TCERG1L: variants seen among roughly 807,000 people sequenced by gnomAD.
TCERG1L encodes transcription elongation regulator 1 like, also known as transcription elongation regulator 1-like protein.
TCERG1L carries 37 observed loss-of-function variants against 56.3 expected under a neutral mutation model. That is an observed-to-expected ratio of 0.66 (90% CI 0.51 to 0.87). The LOEUF is 0.87. Ranked by LOEUF, TCERG1L falls within the 40% of genes least tolerant of loss-of-function variation. The pLI, the probability that TCERG1L is intolerant of heterozygous loss-of-function variation, is 0.00. For synonymous variants in TCERG1L, 324 were observed against 326.3 expected, an observed-to-expected ratio of 0.99 and a Z score of 0.08; for missense variants, 799 against 774.2, an observed-to-expected ratio of 1.03 and a Z score of -0.38.
intron 4 of TCERG1L, among the ~76,000 whole-genome samples, chr10:131,230,985 G>GT (rs941614277): frequency 2.2e-5 from 3 of 135,774 alleles, no homozygotes; most frequent in African/African-American, 1.1e-4. Context: ...ACCCTTCATT[G>GT]TTTAGGGTAC....
intron 4 of TCERG1L, among the ~76,000 whole-genome samples, chr10:131,253,162 C>T (rs910470460): frequency 6.6e-6 from 1 of 152,164 alleles, no homozygotes; most frequent in Non-Finnish European, 1.5e-5. Context: ...CTCTTCAGCA[C>T]CAGGAGCCCG....
At chr10:131,198,232 C>T in intron 4 of TCERG1L, among the ~76,000 whole-genome samples, 1 of 152,206 alleles carries the variant, frequency 6.6e-6, no homozygotes, top group East Asian at 1.9e-4. Context: ...GTGGCATCAT[C>T]AAGTCTATTC....
At position 131,267,034 on chromosome 10, in the gene TCERG1L, T is replaced by C. The variant is rs1191126042; in HGVS notation, c.671-6590A>G. Among the ~76,000 whole-genome samples the C allele has an allele frequency of 1.3e-5, 2 of 151,988 alleles. No individual in the cohort carries two copies. Reference sequence around the variant, plus strand: ...CAACCGGCCCCCAGCCTTCAGGTCCTCCCTGGCCTGAAGGTGCATCCTCAT... The same window carrying C: ...CAACCGGCCCCCAGCCTTCAGGTCCCCCCTGGCCTGAAGGTGCATCCTCAT... On this transcript the variant is annotated intron_variant, in intron 3 of 11. Transcript: ENST00000368642. The surrounding 1 kb of genome is among the most constrained non-coding windows in gnomAD (Gnocchi z 4.9).
At chr10:131,215,333 G>C (rs1238701468) in intron 4 of TCERG1L, among the ~76,000 whole-genome samples, 1 of 152,150 alleles carries the variant, frequency 6.6e-6, no homozygotes, top group African/African-American at 2.4e-5. Context: ...ATTCTAAATG[G>C]GGAACTAGCC....
At chr10:131,204,026 G>T (rs182981872) in intron 4 of TCERG1L, among the ~76,000 whole-genome samples, 1 of 152,350 alleles carries the variant, frequency 6.6e-6, no homozygotes, top group East Asian at 1.9e-4. Flanking sequence ...GAAGTGATGA[G>T]AGCAGAGCCC....
chr10:131,257,236 C>A (rs1846182672), intron 4 of TCERG1L, among the ~76,000 whole-genome samples: 1 of 151,930 alleles, frequency 6.6e-6, no homozygotes, highest in Non-Finnish European at 1.5e-5. Context: ...CTGGGAGGGG[C>A]CAGCCTGATA....
chr10:131,256,492 C>T (rs1282157098), intron 4 of TCERG1L, among the ~76,000 whole-genome samples: 1 of 152,158 alleles, frequency 6.6e-6, no homozygotes, highest in Non-Finnish European at 1.5e-5. Context: ...ACCTGCTCTA[C>T]CAGAGACCAA....
At chr10:131,162,336 G>A (rs910173568) in intron 6 of TCERG1L, 4 of 152,270 alleles carry the variant, frequency 2.6e-5, no homozygotes, top group Non-Finnish European at 4.4e-5. Flanking sequence ...TGGCATAGAA[G>A]CCAGGGGTGC....
At chr10:131,202,147 G>A (rs753191641) in intron 4 of TCERG1L, among the ~76,000 whole-genome samples, 2 of 152,158 alleles carry the variant, frequency 1.3e-5, no homozygotes, top group Non-Finnish European at 2.9e-5. Flanking sequence ...CTGCACGTGA[G>A]CCTCCCGACC....
chr10:131,181,195 T>C (rs947880615), intron 4 of TCERG1L, among the ~76,000 whole-genome samples: 3 of 143,558 alleles, frequency 2.1e-5, no homozygotes, highest in African/African-American at 7.9e-5. Flanking sequence ...AGCCAAGGCC[T>C]GGAGCCTGAG....
chr10:131,308,931 A>G (rs552027150), intron 2 of TCERG1L, among the ~76,000 whole-genome samples: 19 of 152,200 alleles, frequency 1.2e-4, no homozygotes, highest in Non-Finnish European at 1.9e-4. Context: ...TGGAAATTTT[A>G]CATTGCCCTG....
intron 8 of TCERG1L, among the ~76,000 whole-genome samples, chr10:131,133,762 T>C (rs1845645262): frequency 6.6e-6 from 1 of 152,158 alleles, no homozygotes; most frequent in Admixed American, 6.5e-5. Context: ...CCCAACTTGA[T>C]GGAAAACAGG....
At chr10:131,247,387 A>T (rs1253897657) in intron 4 of TCERG1L, among the ~76,000 whole-genome samples, 1 of 152,162 alleles carries the variant, frequency 6.6e-6, no homozygotes, top group Non-Finnish European at 1.5e-5. Flanking sequence ...AAACACGCAT[A>T]TGTAGATCAG....
intron 6 of TCERG1L, among the ~76,000 whole-genome samples, chr10:131,152,451 T>C (rs1186136679): frequency 6.6e-6 from 1 of 152,232 alleles, no homozygotes; most frequent in African/African-American, 2.4e-5. Flanking sequence ...TCATTGTCTA[T>C]ATCACTGTCT....
chr10:131,224,319 C>T (rs377435666), intron 4 of TCERG1L, among the ~76,000 whole-genome samples: 7 of 152,108 alleles, frequency 4.6e-5, no homozygotes, highest in African/African-American at 1.4e-4. Flanking sequence ...AGTGCCCTCC[C>T]GAGCCAGCCT....
intron 7 of TCERG1L, among the ~76,000 whole-genome samples, chr10:131,140,495 CTG>C (rs1401062355): frequency 1.3e-5 from 2 of 152,340 alleles, no homozygotes; most frequent in East Asian, 3.9e-4. Context: ...GCACTCAACC[CTG>C]TGAGTTGGAT....
chr10:131,148,566 AT>A (rs1209364465), intron 6 of TCERG1L, among the ~76,000 whole-genome samples: 4 of 140,342 alleles, frequency 2.9e-5, no homozygotes, highest in South Asian at 5.1e-4. Flanking sequence ...AGAAACACAC[AT>A]ACACACAAAT....
chr10:131,310,837 C>T (rs147592378), intron 1 of TCERG1L, among the ~76,000 whole-genome samples: 2 of 152,320 alleles, frequency 1.3e-5, no homozygotes, highest in African/African-American at 2.4e-5. Flanking sequence ...GGGGGAAAAA[C>T]CCAAACCAGA....
At chr10:131,239,185 C>G (rs1375119232) in intron 4 of TCERG1L, among the ~76,000 whole-genome samples, 1 of 152,236 alleles carries the variant, frequency 6.6e-6, no homozygotes, top group Non-Finnish European at 1.5e-5. Context: ...AAAGGCAGAC[C>G]TGCAGTCTCC....
Sources: allele counts gnomAD v4.1 joint callset (sites outside exome capture counted in the v4.1 genomes callset), GRCh38; gene constraint gnomAD v4.1.1; non-coding constraint Gnocchi (gnomAD v3.1); transcripts MANE v1.5; gene names NCBI Gene and HGNC (gene_info 2026-07-23, HGNC 2026-07-21).